EPS15L1: variants seen among roughly 807,000 people sequenced by gnomAD.
The protein encoded by EPS15L1 is epidermal growth factor receptor substrate 15-like 1.
Under a neutral mutation model 117.1 loss-of-function variants are expected in EPS15L1, and 43 were observed. The ratio of observed to expected loss-of-function variants is 0.37; its 90% CI spans 0.29 to 0.47. EPS15L1 has a LOEUF of 0.47. Among genes scored for constraint, EPS15L1 ranks in the 20% least tolerant of loss-of-function variants. The pLI is 0.99. For synonymous variants in EPS15L1, 459 were observed against 470.5 expected, an observed-to-expected ratio of 0.98 and a Z score of 0.32; for missense variants, 981 against 1,164.0, an observed-to-expected ratio of 0.84 and a Z score of 2.29.
Position 16,428,749 on chromosome 19 carries a change from T to C in EPS15L1, c.511A>G (p.Ser171Gly). The C allele has an allele frequency of 6.2e-7, 1 of 1,610,548 alleles. No homozygotes were observed. The highest frequency in any genetic ancestry group is 1.1e-5 in the South Asian group (1 of 89,818). ...LDVLGRVWDL[S>G]DIDKDGHLDR... ...AAGTGCCCATCCTTGTCAATGTCAC[T>C]GAGGTCCCAGACCTGCAAGGGAGAG... The change falls in exon 8 of 24, where the codon AGT becomes GGT. Residue 171 changes from serine (S) to glycine (G), a missense_variant. Transcript: ENST00000455140.
chr19:16,406,836 T>C (rs183967582), intron 13 of EPS15L1, among the ~76,000 whole-genome samples: 2 of 152,342 alleles, frequency 1.3e-5, no homozygotes, highest in East Asian at 3.9e-4. Flanking sequence ...GTACTGAATG[T>C]CTGTTGTTGA....
chr19:16,438,603 C>T (rs1037412214), intron 4 of EPS15L1, among the ~76,000 whole-genome samples: 4 of 152,168 alleles, frequency 2.6e-5, no homozygotes, highest in African/African-American at 4.8e-5. Flanking sequence ...AATCACAGCT[C>T]ACTGCAACCT....
intron 6 of EPS15L1, among the ~76,000 whole-genome samples, chr19:16,435,814 A>T (rs1016619292): frequency 6.6e-6 from 1 of 152,026 alleles, no homozygotes; most frequent in Middle Eastern, 3.4e-3. Flanking sequence ...ACCACAGTAC[A>T]CCCCAATTAC....
At chr19:16,395,565 G>T in intron 16 of EPS15L1, 98 bp from the exon 17 acceptor site, 1 of 1,224,462 alleles carries the variant, frequency 8.2e-7, no homozygotes, top group Non-Finnish European at 1.2e-6. Context: ...ACTTTGAGTA[G>T]CATGACCCTA....
intron 19 of EPS15L1, 86 bp downstream of exon 19, chr19:16,392,218 G>C: frequency 5.3e-6 from 8 of 1,507,522 alleles, no homozygotes; most frequent in Non-Finnish European, 7.3e-6. Flanking sequence ...TACGCTCCAC[G>C]AAGGGAAGGG....
chr19:16,430,862 T>C (rs960821353), intron 7 of EPS15L1, among the ~76,000 whole-genome samples: 2 of 152,176 alleles, frequency 1.3e-5, no homozygotes, highest in East Asian at 1.9e-4. Flanking sequence ...GATAAATACA[T>C]TGCATGGGCA....
intron 7 of EPS15L1, among the ~76,000 whole-genome samples, chr19:16,431,681 T>C (rs934353390): frequency 1.3e-5 from 2 of 152,160 alleles, no homozygotes; most frequent in Non-Finnish European, 2.9e-5. Context: ...TTCAGAGTCT[T>C]CCAGAAGAGA....
intron 13 of EPS15L1, chr19:16,413,230 T>C (rs1009981876): frequency 3.1e-6 from 2 of 643,596 alleles, no homozygotes; most frequent in African/African-American, 3.6e-5. Flanking sequence ...AAACCCCACA[T>C]TGTCCCTTGC....
chr19:16,387,680 G>T (rs1173100398), intron 19 of EPS15L1, among the ~76,000 whole-genome samples: 3 of 151,900 alleles, frequency 2.0e-5, no homozygotes, highest in Non-Finnish European at 4.4e-5. Flanking sequence ...GCAGAAGAAT[G>T]GCTTGAACCC....
chr19:16,425,771 C>T, intron 8 of EPS15L1, among the ~76,000 whole-genome samples: 1 of 152,176 alleles, frequency 6.6e-6, no homozygotes. Flanking sequence ...CGCCACTGCA[C>T]TCCAGCCTGG....
chr19:16,454,932 C>A (rs1568465399), intron 1 of EPS15L1, among the ~76,000 whole-genome samples: 2 of 151,832 alleles, frequency 1.3e-5, no homozygotes, highest in Non-Finnish European at 2.9e-5. Context: ...CAGTTTGAGA[C>A]CAGCCTGGCC....
chr19:16,403,675 C>A (rs894433186), intron 15 of EPS15L1, 58 bp downstream of exon 15: 1 of 1,512,688 alleles, frequency 6.6e-7, no homozygotes. Flanking sequence ...GTGGCAGCCT[C>A]GGCTCTTGGG....
intron 1 of EPS15L1, among the ~76,000 whole-genome samples, chr19:16,469,380 G>A (rs968028551): frequency 6.6e-6 from 1 of 152,086 alleles, no homozygotes; most frequent in Admixed American, 6.6e-5. Context: ...GGGCACCGGG[G>A]TTAAGGACGG....
chr19:16,446,469 T>A (rs1315984748), intron 1 of EPS15L1, among the ~76,000 whole-genome samples: 1 of 152,196 alleles, frequency 6.6e-6, no homozygotes, highest in Non-Finnish European at 1.5e-5. Flanking sequence ...CTGTAAAATG[T>A]TCAGAGAAGT....
chr19:16,366,221 G>A (rs2092131362), intron 22 of EPS15L1, among the ~76,000 whole-genome samples: 1 of 152,108 alleles, frequency 6.6e-6, no homozygotes, highest in South Asian at 2.1e-4. Flanking sequence ...CGTTCCTGCA[G>A]GGAGTGATCA....
intron 4 of EPS15L1, among the ~76,000 whole-genome samples, 176 bp from the exon 5 acceptor site, chr19:16,438,041 TA>T (rs1370759362): frequency 2.0e-5 from 3 of 152,174 alleles, no homozygotes; most frequent in Non-Finnish European, 2.9e-5. Context: ...GGACATCGCT[TA>T]AATGAATACA....
chr19:16,406,059 G>A (rs774148892), intron 13 of EPS15L1, among the ~76,000 whole-genome samples: 7 of 152,126 alleles, frequency 4.6e-5, no homozygotes, highest in African/African-American at 9.7e-5. Flanking sequence ...GTGGGTTTGC[G>A]GGGAGCCATG....
intron 15 of EPS15L1, among the ~76,000 whole-genome samples, chr19:16,403,371 G>A (rs1034240674): frequency 1.3e-5 from 2 of 152,208 alleles, no homozygotes; most frequent in Non-Finnish European, 2.9e-5. Context: ...CTTGCCCAAG[G>A]ACAAAGAAGT....
At chr19:16,445,747 A>C (rs1175317758) in intron 1 of EPS15L1, among the ~76,000 whole-genome samples, 1 of 152,184 alleles carries the variant, frequency 6.6e-6, no homozygotes, top group Admixed American at 6.5e-5. Flanking sequence ...GTCTGACCCC[A>C]AAGTGAGCCT....
Sources: allele counts gnomAD v4.1 joint callset (sites outside exome capture counted in the v4.1 genomes callset), GRCh38; gene constraint gnomAD v4.1.1; transcripts MANE v1.5; gene names NCBI Gene and HGNC (gene_info 2026-07-23, HGNC 2026-07-21).